The following BCL2 variants were observed in gnomAD, a reference collection of about 807,000 sequenced individuals.
The protein encoded by BCL2 is BCL2 apoptosis regulator, also known as apoptosis regulator Bcl-2.
BCL2 carries 1 observed loss-of-function variant against 14.2 expected under a neutral mutation model. That is an observed-to-expected ratio of 0.07 (90% CI 0.02 to 0.33). BCL2 has a LOEUF of 0.33. Ranked by LOEUF, BCL2 falls within the 10% of genes least tolerant of loss-of-function variation. The probability of loss-of-function intolerance (pLI) is 0.99; values close to 1 mark genes in which losing one functional copy is unlikely to be tolerated. For missense variants in BCL2, 247 were observed against 305.9 expected, an observed-to-expected ratio of 0.81 and a Z score of 1.44; for synonymous variants, 151 against 137.2, an observed-to-expected ratio of 1.10 and a Z score of -0.70.
At chr18:63,140,443 A>C (rs2144596583) in intron 2 of BCL2, among the ~76,000 whole-genome samples, 1 of 152,368 alleles carries the variant, frequency 6.6e-6, no homozygotes, top group South Asian at 2.1e-4. Context: ...CTACCCACAT[A>C]ATGGAATCTT....
intron 2 of BCL2, among the ~76,000 whole-genome samples, chr18:63,196,328 G>A (rs1909443794): frequency 1.3e-5 from 2 of 152,236 alleles, no homozygotes; most frequent in African/African-American, 4.8e-5. Flanking sequence ...CATTTTAAAA[G>A]GTTCATTTAT....
At chr18:63,216,988 G>A (rs954662215) in intron 2 of BCL2, among the ~76,000 whole-genome samples, 3 of 152,132 alleles carry the variant, frequency 2.0e-5, no homozygotes, top group Admixed American at 6.5e-5. Context: ...TGAAGAAGGC[G>A]GCAGCAGGAG....
At chr18:63,250,727 A>C (rs1911286907) in intron 2 of BCL2, among the ~76,000 whole-genome samples, 1 of 152,210 alleles carries the variant, frequency 6.6e-6, no homozygotes, top group Non-Finnish European at 1.5e-5. Context: ...CTGTCTTTTG[A>C]AGAATTTCTG....
At chr18:63,250,649 A>T (rs1189396305) in intron 2 of BCL2, among the ~76,000 whole-genome samples, 3 of 152,216 alleles carry the variant, frequency 2.0e-5, no homozygotes, top group Non-Finnish European at 2.9e-5. Context: ...TCATCTTTCC[A>T]TATTTGCATC....
In BCL2 at chr18:63,125,902, C is replaced by T. The variant is rs1268732355; in HGVS notation, c.*2723G>A. ...AGGCAGCCAGCCAGCAATTAGCCCC[C>T]GTGACCTCTTAATATATATACATTT... On this transcript the variant is annotated 3_prime_UTR_variant, in exon 3 of 3. Transcript: ENST00000333681. The T allele has an allele frequency of 1.4e-5, 3 of 212,944 alleles. No individual in the cohort carries two copies. Among genetic ancestry groups the T allele is most frequent in the Non-Finnish European group, 2.9e-5 (3 of 104,918 alleles). 13.2% of individuals were successfully genotyped at this position (212,944 alleles called of 1,614,324 possible). A position where few individuals can be genotyped will look rare whatever the true frequency, so the allele number is the denominator to read the frequency against.
At chr18:63,228,999 C>G (rs957721158) in intron 2 of BCL2, among the ~76,000 whole-genome samples, 4 of 152,216 alleles carry the variant, frequency 2.6e-5, no homozygotes, top group Non-Finnish European at 5.9e-5. Flanking sequence ...CATGAGCCAC[C>G]ACGCCCGGCC....
chr18:63,128,606 T>G lies in BCL2; in HGVS notation c.*19A>C. The G allele has an allele frequency of 1.3e-6, 1 of 779,096 alleles. No individual in the cohort carries two copies. Among genetic ancestry groups the G allele is most frequent in the South Asian group, 1.3e-5 (1 of 74,400 alleles). The allele number at this position is 779,096 out of a possible 1,614,324, so 48.3% of individuals were successfully genotyped here. On this transcript the variant is annotated 3_prime_UTR_variant, in exon 3 of 3. Transcript: ENST00000333681. Reference sequence around the variant, plus strand: ...TTAGTGAACCTTTTGCATATTTGTTTGGGGCAGGCATGTTGACTTCACTTG... The same window carrying G: ...TTAGTGAACCTTTTGCATATTTGTTGGGGGCAGGCATGTTGACTTCACTTG...
Position 63,161,667 on chromosome 18 carries a change from G to A in BCL2, c.586-32908C>T, listed in dbSNP as rs551927824. On this transcript the variant is annotated intron_variant, in intron 2 of 2. Coordinates refer to ENST00000333681, the MANE Select transcript of BCL2 (RefSeq NM_000633.3). ...CTGTAAGAGAAAGTCTAGCTAGATG[G>A]AAATGTATCCTAAATACCCCCAAGT... 2.6e-3 allele frequency among the ~76,000 whole-genome samples: 400 copies of A among 152,306 alleles called. 2 individuals are homozygous for A. Among genetic ancestry groups the A allele is most frequent in the Non-Finnish European group, 4.4e-3 (298 of 68,028 alleles).
At chr18:63,175,772 T>C (rs1483785089) in intron 2 of BCL2, among the ~76,000 whole-genome samples, 1 of 152,194 alleles carries the variant, frequency 6.6e-6, no homozygotes, top group Non-Finnish European at 1.5e-5. Flanking sequence ...AGCAAAGCTA[T>C]TGGGACTACT....
intron 2 of BCL2, among the ~76,000 whole-genome samples, chr18:63,261,064 T>G (rs896523166): frequency 6.6e-5 from 10 of 152,222 alleles, no homozygotes; most frequent in Non-Finnish European, 4.4e-5. Flanking sequence ...GGCTGATTCA[T>G]GCAGGTACTG....
At chr18:63,285,585 A>G (rs539215703) in intron 2 of BCL2, among the ~76,000 whole-genome samples, 2 of 152,160 alleles carry the variant, frequency 1.3e-5, no homozygotes, top group South Asian at 4.2e-4. Context: ...TGGATGGGGG[A>G]TGTGTTCAGG....
At chr18:63,312,414 T>C (rs1430314204) in intron 2 of BCL2, among the ~76,000 whole-genome samples, 1 of 152,148 alleles carries the variant, frequency 6.6e-6, no homozygotes, top group Non-Finnish European at 1.5e-5. Context: ...GGCAGAGAAA[T>C]AGTGCTATAG....
At chr18:63,147,629 T>C (rs1271547837) in intron 2 of BCL2, among the ~76,000 whole-genome samples, 1 of 152,218 alleles carries the variant, frequency 6.6e-6, no homozygotes, top group African/African-American at 2.4e-5. Flanking sequence ...CCCAACTATT[T>C]CTGCTTAAGA....
intron 2 of BCL2, among the ~76,000 whole-genome samples, chr18:63,205,808 C>T (rs1909820478): frequency 6.6e-6 from 1 of 152,064 alleles, no homozygotes; most frequent in Non-Finnish European, 1.5e-5. Context: ...ACTAAGCCAC[C>T]CGAATAAGTG....
intron 2 of BCL2, among the ~76,000 whole-genome samples, chr18:63,156,416 G>A (rs755350692): frequency 2.0e-5 from 3 of 152,158 alleles, no homozygotes; most frequent in South Asian, 2.1e-4. Flanking sequence ...CTCTGCCCAC[G>A]ACATGCCAGC....
At chr18:63,157,537 G>A (rs539328002) in intron 2 of BCL2, among the ~76,000 whole-genome samples, 2 of 152,320 alleles carry the variant, frequency 1.3e-5, no homozygotes, top group South Asian at 2.1e-4. Context: ...ATTAGCGTTC[G>A]CTGTTTTCAG....
intron 2 of BCL2, among the ~76,000 whole-genome samples, chr18:63,141,034 A>G (rs1224229390): frequency 6.6e-6 from 1 of 152,046 alleles, no homozygotes; most frequent in Non-Finnish European, 1.5e-5. Flanking sequence ...TGTGTTCTGG[A>G]TGAGAAGTTA....
chr18:63,176,373 G>A (rs1429847576), intron 2 of BCL2, among the ~76,000 whole-genome samples: 1 of 152,240 alleles, frequency 6.6e-6, no homozygotes, highest in African/African-American at 2.4e-5. Context: ...GGGGACCAGG[G>A]TTCCAAAACC....
intron 2 of BCL2, chr18:63,315,556 A>G (rs774164861): frequency 5.9e-5 from 9 of 152,228 alleles, no homozygotes; most frequent in Non-Finnish European, 1.2e-4. Flanking sequence ...TCAGTGTAGT[A>G]TTCAGGAGAT....
Sources: gnomAD v4.1 joint callset for allele counts (sites outside exome capture counted in the v4.1 genomes callset) on GRCh38, gnomAD v4.1.1 for gene constraint, MANE v1.5 for transcripts, NCBI Gene and HGNC (gene_info 2026-07-23, HGNC 2026-07-21) for gene names.